Variants in RBFOX1 observed in about 807,000 individuals in gnomAD.
The protein encoded by RBFOX1 is RNA binding protein fox-1 homolog 1.
Under a neutral mutation model 57.7 loss-of-function variants are expected in RBFOX1, and 8 were observed. That is an observed-to-expected ratio of 0.14 (90% CI 0.08 to 0.25). The LOEUF is 0.25. Among genes scored for constraint, RBFOX1 ranks in the 10% least tolerant of loss-of-function variants. The pLI is 1.00. For synonymous variants in RBFOX1, 326 were observed against 222.4 expected (o/e 1.47, Z -4.15); for missense variants, 611 against 548.5 (o/e 1.11, Z -1.14).
At chr16:5,930,716 G>A (rs1485776838) in intron 4 of RBFOX1, among the ~76,000 whole-genome samples, 7 of 126,478 alleles carry the variant, frequency 5.5e-5, no homozygotes, top group African/African-American at 1.9e-4. Flanking sequence ...TTGGGTAGGT[G>A]GGAGGGTGAG....
intron 4 of RBFOX1, among the ~76,000 whole-genome samples, chr16:5,948,532 G>A (rs1247197449): frequency 1.3e-5 from 2 of 152,170 alleles, no homozygotes; most frequent in African/African-American, 4.8e-5. Flanking sequence ...TTTGGGGTTG[G>A]AGTGGCTAAT....
chr16:6,966,197 C>A (rs540651204), intron 3 of RBFOX1, among the ~76,000 whole-genome samples: 1 of 152,224 alleles, frequency 6.6e-6, no homozygotes, highest in South Asian at 2.1e-4. Context: ...TCTGAGCCAG[C>A]TGCCTTCCCC....
chr16:7,460,899 G>C (rs1028519515), intron 4 of RBFOX1, among the ~76,000 whole-genome samples: 4 of 152,114 alleles, frequency 2.6e-5, no homozygotes, highest in African/African-American at 9.7e-5. Context: ...AAGTTCCCTA[G>C]TGATATGAAA....
chr16:5,294,665 G>T (rs190172661), intron 1 of RBFOX1, among the ~76,000 whole-genome samples: 13 of 152,176 alleles, frequency 8.5e-5, no homozygotes, highest in African/African-American at 2.9e-4. Flanking sequence ...TGTTTCCCCT[G>T]TATTTGCCCT....
intron 4 of RBFOX1, among the ~76,000 whole-genome samples, chr16:7,164,229 T>C (rs888117784): frequency 1.3e-5 from 2 of 152,146 alleles, no homozygotes; most frequent in African/African-American, 4.8e-5. Context: ...GCTTTTCCAT[T>C]CCTGAGTTAC....
rs182563309 is a variant in RBFOX1 at position 7,251,678 on chromosome 16, G to A, written c.27+199580G>A. ...CAAGTGATCTGCTCACCTCAGCCTC[G>A]CAAAGTCGTGGGATTACAGGCATGA... is the stretch of plus-strand genomic sequence containing the variant. On this transcript the variant is annotated intron_variant, in intron 4 of 15. Coordinates refer to ENST00000550418, the MANE Select transcript of RBFOX1 (RefSeq NM_018723.4). Among the ~76,000 whole-genome samples, 17 of 152,088 alleles carry A rather than the reference G, an allele frequency of 1.1e-4. No homozygotes were observed. In the South Asian group the frequency reaches 2.9e-3, roughly 26 times the overall value.
intron 1 of RBFOX1, among the ~76,000 whole-genome samples, chr16:6,082,347 ATTTTTTTT>A (rs71142677): frequency 1.4e-3 from 58 of 41,046 alleles, no homozygotes; most frequent in African/African-American, 4.2e-3. Context: ...CACCTGGCTA[ATTTTTTTT>A]TTTTTTTTTT....
chr16:7,046,746 C>G (rs762815709), intron 3 of RBFOX1, among the ~76,000 whole-genome samples: 10 of 151,150 alleles, frequency 6.6e-5, no homozygotes, highest in Non-Finnish European at 1.3e-4. Flanking sequence ...GCTGGGATTA[C>G]AAGCACGCGC....
chr16:5,545,203 C>G (rs1256641345), intron 2 of RBFOX1, among the ~76,000 whole-genome samples: 2 of 152,052 alleles, frequency 1.3e-5, no homozygotes, highest in African/African-American at 2.4e-5. Flanking sequence ...GTCTTGAAAC[C>G]TTGACCTCAG....
chr16:6,817,277 A>G (rs1300341095), intron 3 of RBFOX1, among the ~76,000 whole-genome samples: 1 of 152,110 alleles, frequency 6.6e-6, no homozygotes, highest in African/African-American at 2.4e-5. Context: ...GACCACCTTA[A>G]TGTGTCATAG....
intron 4 of RBFOX1, among the ~76,000 whole-genome samples, chr16:5,939,759 T>C (rs896523594): frequency 3.3e-5 from 5 of 152,158 alleles, no homozygotes; most frequent in South Asian, 4.1e-4. Flanking sequence ...TACCAGCTGA[T>C]AGAGCCTCAC....
chr16:6,483,142 G>C (rs1451691652), intron 2 of RBFOX1: 9 of 1,062,516 alleles, frequency 8.5e-6, no homozygotes, highest in Admixed American at 5.7e-5. Context: ...CCAGCTGCAA[G>C]AGTTTGCAAA....
intron 1 of RBFOX1, among the ~76,000 whole-genome samples, chr16:5,291,675 T>C (rs2063538771): frequency 6.6e-6 from 1 of 152,178 alleles, no homozygotes; most frequent in Non-Finnish European, 1.5e-5. Flanking sequence ...GTGCAGATTG[T>C]CACAGGGCCA....
intron 2 of RBFOX1, among the ~76,000 whole-genome samples, chr16:6,440,715 C>T (rs990941746): frequency 6.6e-5 from 10 of 150,692 alleles, no homozygotes; most frequent in Admixed American, 1.3e-4. Context: ...GCAGGAGAAT[C>T]GCTTGAACTT....
intron 1 of RBFOX1, among the ~76,000 whole-genome samples, chr16:5,356,681 T>C (rs2065398407): frequency 1.3e-5 from 2 of 152,192 alleles, no homozygotes; most frequent in South Asian, 2.1e-4. Flanking sequence ...GTCAAAGTTA[T>C]GATGGGAAAT....
chr16:5,870,471 G>T (rs530861890), intron 4 of RBFOX1, among the ~76,000 whole-genome samples: 25 of 151,870 alleles, frequency 1.6e-4, no homozygotes, highest in African/African-American at 5.8e-4. Flanking sequence ...ATGGTCAGAT[G>T]GTCATGGTGG....
intron 1 of RBFOX1, among the ~76,000 whole-genome samples, chr16:6,204,451 C>T (rs2097239779): frequency 6.6e-6 from 1 of 152,094 alleles, no homozygotes; most frequent in African/African-American, 2.4e-5. Flanking sequence ...TTGCTAGGCA[C>T]TTGGGAGAAA....
intron 1 of RBFOX1, among the ~76,000 whole-genome samples, chr16:5,334,800 C>G (rs2064854494): frequency 6.6e-6 from 1 of 151,460 alleles, no homozygotes; most frequent in African/African-American, 2.4e-5. Flanking sequence ...TGTCCTTAAG[C>G]TTAAAGTTGG....
At chr16:6,483,268 G>A (rs1420655867) in intron 2 of RBFOX1, 2 of 1,321,744 alleles carry the variant, frequency 1.5e-6, no homozygotes, top group Middle Eastern at 2.9e-4. Context: ...GCGCCCGGGT[G>A]TTGATTGCCT....
Sources: gnomAD v4.1 joint callset for allele counts (sites outside exome capture counted in the v4.1 genomes callset) on GRCh38, gnomAD v4.1.1 for gene constraint, MANE v1.5 for transcripts, NCBI Gene and HGNC (gene_info 2026-07-23, HGNC 2026-07-21) for gene names.